PKD2: variants seen among roughly 807,000 people sequenced by gnomAD.
PKD2 encodes polycystin 2, transient receptor potential cation channel.
Under a neutral mutation model 105.9 loss-of-function variants are expected in PKD2, and 48 were observed. The observed-to-expected ratio is 0.45, with a 90% confidence interval of 0.36 to 0.58. PKD2 has a LOEUF of 0.58. Ranked by LOEUF, PKD2 falls within the 20% of genes least tolerant of loss-of-function variation. The probability of loss-of-function intolerance (pLI) is 0.00; values close to 1 mark genes in which losing one functional copy is unlikely to be tolerated. For missense variants in PKD2, 1,078 were observed against 1,255.3 expected (o/e 0.86, Z 2.13); for synonymous variants, 464 against 481.1 (o/e 0.96, Z 0.46).
intron 1 of PKD2, among the ~76,000 whole-genome samples, chr4:88,010,472 A>G (rs995404408): frequency 6.6e-6 from 1 of 152,242 alleles, no homozygotes; most frequent in Non-Finnish European, 1.5e-5. Context: ...TGTAAAATAA[A>G]TAGCCATGAA....
intron 7 of PKD2, among the ~76,000 whole-genome samples, chr4:88,053,460 C>T (rs771152471): frequency 2.0e-5 from 3 of 152,090 alleles, no homozygotes; most frequent in Non-Finnish European, 4.4e-5. Flanking sequence ...AGTCTGATAC[C>T]AGCCTGGGCA....
intron 2 of PKD2, chr4:88,036,016 A>T: frequency 1.4e-6 from 1 of 702,084 alleles, no homozygotes; most frequent in African/African-American, 1.8e-5. Flanking sequence ...CAATATTAAT[A>T]TTACGTATTT....
intron 14 of PKD2, 54 bp from the exon 15 acceptor site, chr4:88,075,403 TC>T (rs1249960619): frequency 2.4e-6 from 3 of 1,258,188 alleles, no homozygotes; most frequent in Non-Finnish European, 3.5e-6. Flanking sequence ...TCCCTGGACT[TC>T]CTAAGGCATT....
At chr4:88,032,423 G>A (rs780339868) in intron 2 of PKD2, among the ~76,000 whole-genome samples, 4 of 152,140 alleles carry the variant, frequency 2.6e-5, no homozygotes, top group East Asian at 1.9e-4. Flanking sequence ...CAGCACTTTC[G>A]GAGGCCGAGG....
chr4:88,043,139 A>G (rs1301642445), intron 4 of PKD2, 94 bp from the exon 5 acceptor site: 6 of 812,612 alleles, frequency 7.4e-6, no homozygotes, highest in South Asian at 2.9e-5. Context: ...GCCTTAATAC[A>G]TACTTTATTT....
chr4:88,026,775 G>A (rs986901284), intron 2 of PKD2, among the ~76,000 whole-genome samples: 2 of 152,232 alleles, frequency 1.3e-5, no homozygotes, highest in Non-Finnish European at 2.9e-5. Flanking sequence ...GGCCCCAGCT[G>A]TTCTGTGCAG....
intron 6 of PKD2, 55 bp downstream of exon 6, chr4:88,046,925 A>G: frequency 9.9e-7 from 1 of 1,006,042 alleles, no homozygotes; most frequent in African/African-American, 1.6e-5. Flanking sequence ...CATGTTAACT[A>G]GAGTCTTTGA....
intron 2 of PKD2, among the ~76,000 whole-genome samples, chr4:88,034,059 C>T (rs1459069069): frequency 1.3e-5 from 2 of 152,088 alleles, no homozygotes; most frequent in Non-Finnish European, 2.9e-5. Flanking sequence ...TACCTTGTTC[C>T]ATAAATATGA....
intron 2 of PKD2, among the ~76,000 whole-genome samples, chr4:88,023,322 C>T (rs1726832153): frequency 6.6e-6 from 1 of 152,044 alleles, no homozygotes; most frequent in Non-Finnish European, 1.5e-5. Context: ...GAAGAAGCCC[C>T]ACACTTTTAA....
At chr4:88,069,433 T>C (rs577082908) in intron 13 of PKD2, among the ~76,000 whole-genome samples, 12 of 152,068 alleles carry the variant, frequency 7.9e-5, no homozygotes, top group Non-Finnish European at 1.0e-4. Flanking sequence ...TAATGATTTT[T>C]CATTTTTTTT....
At chr4:88,056,503 A>G (rs1481365661) in intron 8 of PKD2, among the ~76,000 whole-genome samples, 2 of 152,242 alleles carry the variant, frequency 1.3e-5, no homozygotes, top group Non-Finnish European at 2.9e-5. Flanking sequence ...GTTAACAGAC[A>G]TAGGAAACCA....
chr4:88,034,833 T>C (rs1727277310), intron 2 of PKD2, among the ~76,000 whole-genome samples: 1 of 152,186 alleles, frequency 6.6e-6, no homozygotes, highest in East Asian at 1.9e-4. Context: ...AGAACTGTGG[T>C]TTAAAAAATG....
intron 13 of PKD2, among the ~76,000 whole-genome samples, chr4:88,070,123 T>C (rs1375273237): frequency 6.6e-6 from 1 of 152,222 alleles, no homozygotes; most frequent in Admixed American, 6.5e-5. Context: ...AATTCTTTCA[T>C]TTTTTGTTTA....
intron 10 of PKD2, among the ~76,000 whole-genome samples, chr4:88,063,883 G>T (rs1343576629): frequency 6.6e-6 from 1 of 152,166 alleles, no homozygotes; most frequent in Non-Finnish European, 1.5e-5. Context: ...GGCTGGACAT[G>T]GTGGCTTACT....
Position 88,038,524 on chromosome 4 carries a change from C to T in PKD2, c.1094+23C>T, listed in dbSNP as rs1331514308. 2.5e-6 allele frequency: 4 copies of T among 1,611,964 alleles called. No homozygotes were observed. In the Admixed American group the frequency reaches 5.0e-5, roughly 20 times the overall value. ...CGCGTAAGTGTCTGTGACTCATTGC[C>T]ACTCGGTGATATTCATTCATTTATT... On this transcript the variant is annotated intron_variant, in intron 4 of 14. Transcript: ENST00000237596.
intron 13 of PKD2, among the ~76,000 whole-genome samples, chr4:88,073,034 CAAAA>C (rs34782103): frequency 5.0e-5 from 4 of 79,922 alleles, no homozygotes; most frequent in Non-Finnish European, 4.9e-5. Context: ...GACTCTGTCT[CAAAA>C]AAAAAAAAAA....
At chr4:88,045,686 A>T (rs1453889260) in intron 5 of PKD2, among the ~76,000 whole-genome samples, 1 of 152,224 alleles carries the variant, frequency 6.6e-6, no homozygotes, top group Non-Finnish European at 1.5e-5. Context: ...CCCTCAGTCC[A>T]GTTATGGTAA....
Position 88,046,741 on chromosome 4 carries a change from G to A in PKD2, c.1419G>A (p.Leu473=). The change falls in exon 6 of 15, where the codon CTG becomes CTA. Residue 473 remains leucine (L), a synonymous_variant. Transcript: ENST00000237596. ...IRYVTTFDFF[L]AACEIIFCFF... ...ATGTCACAACTTTTGATTTCTTCCT[G>A]GCAGCCTGTGAGATTATCTTTTGTT... The A allele has an allele frequency of 2.5e-6, 4 of 1,613,014 alleles. No homozygotes were observed. The highest frequency in any genetic ancestry group is 3.4e-6 in the Non-Finnish European group (4 of 1,179,048).
intron 9 of PKD2, among the ~76,000 whole-genome samples, chr4:88,058,357 A>G (rs1378489337): frequency 6.6e-6 from 1 of 152,134 alleles, no homozygotes; most frequent in African/African-American, 2.4e-5. Context: ...GATCTCTTCC[A>G]TGGTCTTTCA....
Sources: allele counts gnomAD v4.1 joint callset (sites outside exome capture counted in the v4.1 genomes callset), GRCh38; gene constraint gnomAD v4.1.1; transcripts MANE v1.5; gene names NCBI Gene and HGNC (gene_info 2026-07-23, HGNC 2026-07-21).